The following PIAS2 variants were observed in gnomAD, a reference collection of about 807,000 sequenced individuals.
PIAS2 encodes the protein E3 SUMO-protein ligase PIAS2.
Under a neutral mutation model 69.7 loss-of-function variants are expected in PIAS2, and 19 were observed. The ratio of observed to expected loss-of-function variants is 0.27; its 90% confidence interval spans 0.19 to 0.40. PIAS2 has a LOEUF of 0.40. Ranked by LOEUF, PIAS2 falls within the 10% of genes least tolerant of loss-of-function variation. PIAS2 has a pLI of 1.00. For synonymous variants in PIAS2, 261 were observed against 263.2 expected, an observed-to-expected ratio of 0.99 and a Z score of 0.08; for missense variants, 624 against 757.0, an observed-to-expected ratio of 0.82 and a Z score of 2.06.
chr18:46,872,556 C>T (rs2050527214), intron 2 of PIAS2, among the ~76,000 whole-genome samples: 2 of 152,174 alleles, frequency 1.3e-5, no homozygotes, highest in Admixed American at 1.3e-4. Context: ...GAACAGGTGG[C>T]TGTCTTCTCC....
chr18:46,918,394 C>T (rs1296862604), upstream of PIAS2, among the ~76,000 whole-genome samples: 1 of 152,160 alleles, frequency 6.6e-6, no homozygotes, highest in Non-Finnish European at 1.5e-5. Context: ...TTCCCACTAC[C>T]CCTCGTTTCA....
rs537129856 is a variant in PIAS2 at position 46,891,623 on chromosome 18, A to G, written c.25-569T>C. On this transcript the variant is annotated intron_variant, in intron 1 of 13. Transcript: ENST00000585916. ...CATAATAAAGATATTTTAAAATATTAAAGCTAAAAAATCACATACATCTTA... is the reference window on the plus strand; with the variant it reads ...CATAATAAAGATATTTTAAAATATTGAAGCTAAAAAATCACATACATCTTA... 7.6e-5 allele frequency: 63 copies of G among 832,722 alleles called. No individual in the cohort carries two copies. The South Asian group carries it at 1.4e-3, about 19-fold the overall frequency. 51.6% of individuals were successfully genotyped at this position (832,722 alleles called of 1,614,324 possible). A position where few individuals can be genotyped will look rare whatever the true frequency, so the allele number is the denominator to read the frequency against.
At chr18:46,911,369 C>G (rs750752861) in intron 1 of PIAS2, among the ~76,000 whole-genome samples, 1 of 152,058 alleles carries the variant, frequency 6.6e-6, no homozygotes, top group Non-Finnish European at 1.5e-5. Flanking sequence ...GTGCCCACCA[C>G]CACGTCGGGC....
intron 3 of PIAS2, among the ~76,000 whole-genome samples, chr18:46,855,928 G>C (rs908977756): frequency 4.0e-5 from 6 of 149,720 alleles, no homozygotes; most frequent in African/African-American, 1.5e-4. Context: ...AGTTCGGAAA[G>C]AGTTTTAATC....
At chr18:46,907,312 A>T (rs1191391570) in intron 1 of PIAS2, among the ~76,000 whole-genome samples, 1 of 152,258 alleles carries the variant, frequency 6.6e-6, no homozygotes, top group Non-Finnish European at 1.5e-5. Flanking sequence ...GCCAATAAGC[A>T]CATTCAAAGG....
At chr18:46,911,340 C>T (rs1414670564) in intron 1 of PIAS2, among the ~76,000 whole-genome samples, 15 of 151,960 alleles carry the variant, frequency 9.9e-5, no homozygotes, top group Middle Eastern at 3.4e-3. Flanking sequence ...CTCAGCCTCC[C>T]GAGTAGCTGG....
At chr18:46,909,574 A>C (rs921603701) in intron 1 of PIAS2, among the ~76,000 whole-genome samples, 1 of 152,214 alleles carries the variant, frequency 6.6e-6, no homozygotes. Context: ...GTGTGACAAA[A>C]GTAGATGTTA....
chr18:46,913,013 T>A (rs2146320156), intron 1 of PIAS2, among the ~76,000 whole-genome samples: 1 of 152,340 alleles, frequency 6.6e-6, no homozygotes, highest in East Asian at 1.9e-4. Flanking sequence ...ATATATTTTG[T>A]TTCGAACGTG....
chr18:46,901,322 T>A, intron 1 of PIAS2: 1 of 302,022 alleles, frequency 3.3e-6, no homozygotes, highest in Non-Finnish European at 6.6e-6. Flanking sequence ...GGCAGGAGAA[T>A]CGCTTGAACC....
At chr18:46,830,760 A>G (rs544767325) in intron 9 of PIAS2, among the ~76,000 whole-genome samples, 14 of 152,190 alleles carry the variant, frequency 9.2e-5, no homozygotes, top group Non-Finnish European at 1.6e-4. Context: ...CTTTGCCACA[A>G]AGAAAATCCT....
At chr18:46,848,291 A>G (rs1273713998) in intron 5 of PIAS2, among the ~76,000 whole-genome samples, 4 of 152,206 alleles carry the variant, frequency 2.6e-5, no homozygotes, top group Non-Finnish European at 5.9e-5. Flanking sequence ...CATCAATGAA[A>G]AGTTTTCAGA....
chr18:46,899,612 C>T (rs2055465483), intron 1 of PIAS2, among the ~76,000 whole-genome samples: 1 of 152,174 alleles, frequency 6.6e-6, no homozygotes, highest in Non-Finnish European at 1.5e-5. Flanking sequence ...GGACTACAAG[C>T]ACACACCACC....
Position 46,807,892 on chromosome 18 carries a change from TAA to T in PIAS2, c.*4539_*4540del, listed in dbSNP as rs1379532419. On this transcript the variant is annotated 3_prime_UTR_variant, in exon 14 of 14. Coordinates refer to ENST00000585916, the MANE Select transcript of PIAS2 (RefSeq NM_004671.5). ...CATACCATCTAGCTGCAGTATAAAT[TAA>T]CATACCCATGTGGAAAAGTGGTATG... 1.3e-5 allele frequency: 2 copies of T among 152,164 alleles called. No individual in the cohort carries two copies. Among genetic ancestry groups the T allele is most frequent in the African/African-American group, 2.4e-5 (1 of 41,428 alleles). The allele number at this position is 152,164 out of a possible 1,614,324, so 9.4% of individuals were successfully genotyped here.
At chr18:46,821,265 G>A (rs1309231044) in intron 11 of PIAS2, among the ~76,000 whole-genome samples, 193 bp from the exon 12 acceptor site, 2 of 152,010 alleles carry the variant, frequency 1.3e-5, no homozygotes, top group African/African-American at 2.4e-5. Flanking sequence ...AACATATCTT[G>A]GCTCTCAACA....
intron 8 of PIAS2, among the ~76,000 whole-genome samples, chr18:46,842,632 T>G (rs1465653358): frequency 6.6e-6 from 1 of 152,208 alleles, no homozygotes; most frequent in Non-Finnish European, 1.5e-5. Flanking sequence ...GCAATTTCAC[T>G]TGTTTCAATC....
intron 1 of PIAS2, chr18:46,893,368 ATTC>A: frequency 2.0e-6 from 1 of 499,784 alleles, no homozygotes; most frequent in Non-Finnish European, 2.6e-6. Context: ...ATTGTCAGAT[ATTC>A]TTCATTTTAA....
chr18:46,879,990 G>C (rs889083785), intron 2 of PIAS2, among the ~76,000 whole-genome samples: 8 of 151,842 alleles, frequency 5.3e-5, no homozygotes, highest in South Asian at 2.1e-4. Context: ...AGATGAAAAG[G>C]GTTCTCTGGA....
intron 2 of PIAS2, among the ~76,000 whole-genome samples, chr18:46,882,153 T>G (rs1265053081): frequency 1.3e-5 from 2 of 152,010 alleles, no homozygotes; most frequent in African/African-American, 2.4e-5. Context: ...TATTATATAC[T>G]TATTAACTGA....
At chr18:46,920,037 G>A, upstream of PIAS2, 2 of 1,287,190 alleles carry the variant, frequency 1.6e-6, no homozygotes, top group Non-Finnish European at 2.0e-6. Context: ...GAAAAGAAAA[G>A]CAAAGCCCCA....
Sources: allele counts gnomAD v4.1 joint callset (sites outside exome capture counted in the v4.1 genomes callset), GRCh38; gene constraint gnomAD v4.1.1; transcripts MANE v1.5; gene names NCBI Gene and HGNC (gene_info 2026-07-23, HGNC 2026-07-21).